Variants in CNTN4 observed in about 807,000 individuals in gnomAD.
CNTN4 encodes contactin 4.
In CNTN4, 77 loss-of-function variants were observed where a neutral mutation model predicts 122.5. The observed-to-expected ratio is 0.63, with a 90% CI of 0.52 to 0.76. The LOEUF is 0.76. Ranked by LOEUF, CNTN4 falls within the 30% of genes least tolerant of loss-of-function variation. The pLI, the probability that CNTN4 is intolerant of heterozygous loss-of-function variation, is 0.00. For synonymous variants in CNTN4, 512 were observed against 447.0 expected, an observed-to-expected ratio of 1.15 and a Z score of -1.83; for missense variants, 1,256 against 1,259.1, an observed-to-expected ratio of 1.00 and a Z score of 0.04.
At chr3:2,214,294 C>T (rs1399270299) in intron 2 of CNTN4, among the ~76,000 whole-genome samples, 1 of 152,118 alleles carries the variant, frequency 6.6e-6, no homozygotes, top group African/African-American at 2.4e-5. Context: ...AACAGGTTAG[C>T]ACTTCGGAGC....
At chr3:2,603,115 CA>C (rs11329361) in intron 4 of CNTN4, among the ~76,000 whole-genome samples, 135,626 of 151,014 alleles carry the variant, frequency 0.9, 61,060 homozygotes, top group East Asian at 1. Flanking sequence ...AATTTTCTGC[CA>C]AAAAAAAAAA....
chr3:2,194,737 A>G lies in CNTN4; in HGVS notation c.-145+94098A>G, dbSNP rs546952255. On this transcript the variant is annotated intron_variant, in intron 2 of 24. Coordinates refer to ENST00000418658, the MANE Select transcript of CNTN4 (RefSeq NM_175607.3). ...CAGGCAGGCAAAATGCCATGTGAAA[A>G]CAGAGGCAGATATTGGAGTTATGGA... is the stretch of plus-strand genomic sequence containing the variant. Among the ~76,000 whole-genome samples the G allele has an allele frequency of 8.5e-5, 13 of 152,268 alleles. No homozygotes were observed. The South Asian group carries it at 2.7e-3, about 32-fold the overall frequency.
rs146377861 is a variant in CNTN4, at chr3:2,714,426, G to A, written c.56-21789G>A. Among the ~76,000 whole-genome samples the A allele has an allele frequency of 1.0e-3, 155 of 152,256 alleles. 1 individual carries two copies. Among genetic ancestry groups the A allele is most frequent in the African/African-American group, 3.3e-3 (139 of 41,544 alleles). On this transcript the variant is annotated intron_variant, in intron 4 of 24. Transcript: ENST00000418658. Reference sequence around the variant, plus strand: ...TATATAAGCAAGAGCAAGTGGGGAAGTGTTGGGGTTGGAGATGTTTCACTG... The same window carrying A: ...TATATAAGCAAGAGCAAGTGGGGAAATGTTGGGGTTGGAGATGTTTCACTG...
At chr3:2,764,392 C>T (rs542614332) in intron 6 of CNTN4, among the ~76,000 whole-genome samples, 2 of 152,254 alleles carry the variant, frequency 1.3e-5, no homozygotes, top group South Asian at 4.2e-4. Context: ...GTTTTCTAGA[C>T]AGAAAATACA....
At chr3:2,400,874 T>C (rs2046832817) in intron 3 of CNTN4, among the ~76,000 whole-genome samples, 1 of 151,602 alleles carries the variant, frequency 6.6e-6, no homozygotes, top group Admixed American at 6.6e-5. Flanking sequence ...TATATATAAG[T>C]ATATTATTCA....
intron 8 of CNTN4, 176 bp from the exon 9 acceptor site, chr3:2,882,969 T>C: frequency 1.8e-6 from 1 of 561,710 alleles, no homozygotes; most frequent in Non-Finnish European, 3.2e-6. Context: ...TCTGTAGCAG[T>C]AACTGGGAGA....
chr3:2,180,893 A>G (rs2036984947), intron 2 of CNTN4, among the ~76,000 whole-genome samples: 1 of 152,116 alleles, frequency 6.6e-6, no homozygotes, highest in East Asian at 1.9e-4. Flanking sequence ...TCAAACCCAG[A>G]GTAAATTGAG....
At chr3:2,705,281 T>C (rs1308849134) in intron 4 of CNTN4, among the ~76,000 whole-genome samples, 1 of 141,912 alleles carries the variant, frequency 7.0e-6, no homozygotes, top group Non-Finnish European at 1.5e-5. Context: ...GGCAGGAGAA[T>C]GGCGGGAACC....
At chr3:2,827,847 A>G (rs986588369) in intron 7 of CNTN4, among the ~76,000 whole-genome samples, 2 of 152,226 alleles carry the variant, frequency 1.3e-5, no homozygotes, top group African/African-American at 4.8e-5. Flanking sequence ...TACTGCTGAA[A>G]TAATGCTGAG....
At chr3:2,373,250 G>A (rs537835910) in intron 3 of CNTN4, among the ~76,000 whole-genome samples, 5 of 152,176 alleles carry the variant, frequency 3.3e-5, no homozygotes, top group Admixed American at 6.5e-5. Context: ...TAGGCCCCAC[G>A]TGGGTTAAGC....
At chr3:2,256,275 G>T (rs1365198704) in intron 2 of CNTN4, among the ~76,000 whole-genome samples, 1 of 152,112 alleles carries the variant, frequency 6.6e-6, no homozygotes. Flanking sequence ...CCAATAACAA[G>T]TTCTGAAATT....
chr3:2,607,717 A>G (rs187330123), intron 4 of CNTN4, among the ~76,000 whole-genome samples: 264 of 151,720 alleles, frequency 1.7e-3, no homozygotes, highest in Non-Finnish European at 2.7e-3. Flanking sequence ...GAAGAGAGAA[A>G]GGAGGACCTA....
At chr3:2,189,195 A>T (rs1054264477) in intron 2 of CNTN4, among the ~76,000 whole-genome samples, 4 of 152,168 alleles carry the variant, frequency 2.6e-5, no homozygotes, top group Non-Finnish European at 2.9e-5. Flanking sequence ...AAAAAGAAAA[A>T]GTTGCCAGCT....
chr3:2,816,461 T>C (rs2092733087), intron 6 of CNTN4, among the ~76,000 whole-genome samples: 1 of 151,956 alleles, frequency 6.6e-6, no homozygotes. Context: ...GATAAAAGAC[T>C]ACAAATATAG....
intron 3 of CNTN4, among the ~76,000 whole-genome samples, chr3:2,475,711 C>T (rs761663708): frequency 2.0e-5 from 3 of 152,070 alleles, no homozygotes; most frequent in Non-Finnish European, 4.4e-5. Flanking sequence ...ATATTAACAA[C>T]AGTAATGCAA....
Position 2,744,714 on chromosome 3 carries a change from G to C in CNTN4, c.183-808G>C, listed in dbSNP as rs187620965. ...AGCTCTCACTCTTTGGAATGGTATT[G>C]GTTGTAAAATGAAATAAAAACAAAA... On this transcript the variant is annotated intron_variant, in intron 5 of 24. Transcript: ENST00000418658. 2.0e-5 allele frequency among the ~76,000 whole-genome samples: 3 copies of C among 152,150 alleles called. No individual in the cohort carries two copies. In the East Asian group the frequency reaches 5.8e-4, roughly 29 times the overall value.
chr3:2,236,278 T>A (rs2039678431), intron 2 of CNTN4, among the ~76,000 whole-genome samples: 1 of 152,156 alleles, frequency 6.6e-6, no homozygotes, highest in South Asian at 2.1e-4. Flanking sequence ...CTCTGCTGAT[T>A]AGCAATGAAA....
rs369414691 is a variant in CNTN4 at position 2,104,132 on chromosome 3, CT to C, written c.-145+3496del. On this transcript the variant is annotated intron_variant, in intron 2 of 24. Transcript: ENST00000418658. ...TCCCAGAAGCCCCTGTTCATTTCCT[CT>C]TTACTTTCCCTGAGCCTCACATCCT... Among the ~76,000 whole-genome samples, 554 of 152,204 alleles carry C rather than the reference CT, an allele frequency of 3.6e-3. 5 individuals are homozygous for C. The highest frequency in any genetic ancestry group is 0.012 in the African/African-American group (517 of 41,528).
intron 6 of CNTN4, among the ~76,000 whole-genome samples, chr3:2,801,902 C>G (rs776104030): frequency 6.6e-6 from 1 of 152,126 alleles, no homozygotes; most frequent in African/African-American, 2.4e-5. Context: ...TCCATGTCTG[C>G]TTACTGAGAT....
Sources: allele counts gnomAD v4.1 joint callset (sites outside exome capture counted in the v4.1 genomes callset), GRCh38; gene constraint gnomAD v4.1.1; transcripts MANE v1.5; gene names NCBI Gene and HGNC (gene_info 2026-07-23, HGNC 2026-07-21).